The following SYNJ2BP variants were observed in gnomAD, a reference collection of about 807,000 sequenced individuals.
SYNJ2BP encodes synaptojanin-2-binding protein.
A neutral mutation model predicts 16.9 loss-of-function variants in SYNJ2BP; 10 were observed. The observed-to-expected ratio is 0.59, with a 90% CI of 0.36 to 1.00. The LOEUF is 1.00. Among genes scored for constraint, SYNJ2BP ranks in the 50% least tolerant of loss-of-function variants. The pLI is 0.01. For missense variants in SYNJ2BP, 162 were observed against 186.7 expected (o/e 0.87, Z 0.77); for synonymous variants, 54 against 68.4 (o/e 0.79, Z 1.04).
chr14:70,389,252 G>T (rs1322679644), intron 1 of SYNJ2BP, among the ~76,000 whole-genome samples: 1 of 152,092 alleles, frequency 6.6e-6, no homozygotes, highest in Non-Finnish European at 1.5e-5. Context: ...ATTATCAAAT[G>T]AACTGTTCCT....
chr14:70,370,908 C>T lies in SYNJ2BP; in HGVS notation c.*2083G>A, dbSNP rs1221789167. ...CATGACCCCTACTTACACTGTCCTA[C>T]CTATGTGGCCAATAAGAGTGTTGTC... is the stretch of plus-strand genomic sequence containing the variant. On this transcript the variant is annotated 3_prime_UTR_variant, in exon 4 of 4. Coordinates refer to ENST00000256366, the MANE Select transcript of SYNJ2BP (RefSeq NM_018373.3). 2 of 152,162 alleles carry T rather than the reference C, an allele frequency of 1.3e-5. No individual in the cohort carries two copies. The highest frequency in any genetic ancestry group is 6.5e-5 in the Admixed American group (1 of 15,284). 9.4% of individuals were successfully genotyped at this position (152,162 alleles called of 1,614,324 possible). A position where few individuals can be genotyped will look rare whatever the true frequency, so the allele number is the denominator to read the frequency against.
At chr14:70,405,602 G>A (rs1329941549) in intron 1 of SYNJ2BP, among the ~76,000 whole-genome samples, 3 of 152,102 alleles carry the variant, frequency 2.0e-5, no homozygotes, top group Non-Finnish European at 2.9e-5. Flanking sequence ...AAAATAATGG[G>A]TTTTGGGGGC....
At chr14:70,414,035 T>A (rs137940852) in intron 1 of SYNJ2BP, among the ~76,000 whole-genome samples, 2 of 152,196 alleles carry the variant, frequency 1.3e-5, no homozygotes, top group African/African-American at 4.8e-5. Context: ...AAGTTTCTAG[T>A]GGTGATTAGT....
intron 2 of SYNJ2BP, among the ~76,000 whole-genome samples, chr14:70,376,961 C>A (rs1224400382): frequency 6.6e-6 from 1 of 152,152 alleles, no homozygotes; most frequent in Non-Finnish European, 1.5e-5. Context: ...TCTCTCTTGC[C>A]AATACAGTTG....
chr14:70,398,759 T>G (rs1463207552), intron 1 of SYNJ2BP, among the ~76,000 whole-genome samples: 1 of 152,148 alleles, frequency 6.6e-6, no homozygotes, highest in African/African-American at 2.4e-5. Context: ...CAGCCAGCAC[T>G]AGCTGTGCCT....
At chr14:70,383,827 T>C (rs1271803385) in intron 2 of SYNJ2BP, among the ~76,000 whole-genome samples, 1 of 152,238 alleles carries the variant, frequency 6.6e-6, no homozygotes, top group Non-Finnish European at 1.5e-5. Flanking sequence ...TTTTATTTCA[T>C]GGTTGTCAGA....
At chr14:70,405,024 G>A (rs548347201) in intron 1 of SYNJ2BP, among the ~76,000 whole-genome samples, 1 of 152,188 alleles carries the variant, frequency 6.6e-6, no homozygotes, top group Non-Finnish European at 1.5e-5. Flanking sequence ...CTATTCAGGA[G>A]GCTAAAGTGA....
At chr14:70,393,359 G>A (rs560770282) in intron 1 of SYNJ2BP, among the ~76,000 whole-genome samples, 1 of 152,304 alleles carries the variant, frequency 6.6e-6, no homozygotes, top group Non-Finnish European at 1.5e-5. Flanking sequence ...TGGTGGGAGT[G>A]TAAATTAGTT....
intron 1 of SYNJ2BP, among the ~76,000 whole-genome samples, chr14:70,394,932 G>T (rs953162675): frequency 1.2e-4 from 19 of 152,166 alleles, no homozygotes; most frequent in African/African-American, 4.6e-4. Flanking sequence ...GCAAAGCCAA[G>T]ACTTAAGTCA....
At chr14:70,403,273 T>C (rs1420787859) in intron 1 of SYNJ2BP, among the ~76,000 whole-genome samples, 3 of 152,250 alleles carry the variant, frequency 2.0e-5, no homozygotes, top group Non-Finnish European at 4.4e-5. Flanking sequence ...TGTATGTCTC[T>C]ATGTTTATGT....
intron 2 of SYNJ2BP, among the ~76,000 whole-genome samples, chr14:70,377,405 T>A (rs990584658): frequency 5.3e-5 from 8 of 152,214 alleles, no homozygotes. Flanking sequence ...ACTAGCTGAC[T>A]CCAGCTCATC....
chr14:70,378,889 T>C (rs115034397), intron 2 of SYNJ2BP, among the ~76,000 whole-genome samples: 1 of 152,218 alleles, frequency 6.6e-6, no homozygotes, highest in African/African-American at 2.4e-5. Context: ...AATTACTCTA[T>C]GTTCACCTTA....
rs1327913821 is a variant in SYNJ2BP, at chr14:70,372,492, T to A, written c.*499A>T. ...TTGCATACGTATGTGTATATATGTA[T>A]TTGCTTTTTTAAAAAAGTAAAAATG... On this transcript the variant is annotated 3_prime_UTR_variant, in exon 4 of 4. Coordinates refer to ENST00000256366, the MANE Select transcript of SYNJ2BP (RefSeq NM_018373.3). The A allele has an allele frequency of 6.3e-6, 1 of 158,016 alleles. No homozygotes were observed. The highest frequency in any genetic ancestry group is 2.4e-5 in the African/African-American group (1 of 41,492). The allele number at this position is 158,016 out of a possible 1,614,324, so 9.8% of individuals were successfully genotyped here.
Position 70,388,549 on chromosome 14 carries a change from C to A in SYNJ2BP, c.122G>T (p.Gly41Val). 1 of 1,600,562 alleles carries A rather than the reference C, an allele frequency of 6.2e-7. No homozygotes were observed. The highest frequency in any genetic ancestry group is 8.5e-7 in the Non-Finnish European group (1 of 1,173,830). Residue 41 changes from glycine to valine, a missense_variant, in exon 2 of 4, where the codon GGC (glycine) becomes GTC (valine). Transcript: ENST00000256366. The stretch of plus-strand genomic sequence containing the variant: ...TTCTTTGATGCGGCTGACGTAGATG[C>A]CACTGTCGTTGGAGACATACTGCTG... ...TDQQYVSNDS[G>V]IYVSRIKENG... is the part of the protein sequence containing the mutation.
chr14:70,393,773 G>C (rs1186610452), intron 1 of SYNJ2BP, among the ~76,000 whole-genome samples: 1 of 151,530 alleles, frequency 6.6e-6, no homozygotes, highest in South Asian at 2.1e-4. Context: ...TGGACACAGG[G>C]AGGGGAACAT....
At chr14:70,409,414 A>G (rs555444472) in intron 1 of SYNJ2BP, among the ~76,000 whole-genome samples, 6 of 152,344 alleles carry the variant, frequency 3.9e-5, no homozygotes, top group African/African-American at 1.4e-4. Context: ...CTCAATAAAT[A>G]ATTGTGTACT....
intron 1 of SYNJ2BP, among the ~76,000 whole-genome samples, chr14:70,400,420 T>A (rs911737324): frequency 3.3e-5 from 5 of 152,230 alleles, no homozygotes; most frequent in African/African-American, 1.2e-4. Context: ...GACTAAACCC[T>A]ATCTTTATCT....
intron 1 of SYNJ2BP, among the ~76,000 whole-genome samples, chr14:70,392,514 C>T (rs903624340): frequency 1.3e-5 from 2 of 152,098 alleles, no homozygotes; most frequent in Non-Finnish European, 2.9e-5. Flanking sequence ...TCTTCATAAA[C>T]TACATAGTAG....
chr14:70,398,917 T>C (rs894442297), intron 1 of SYNJ2BP, among the ~76,000 whole-genome samples: 10 of 152,112 alleles, frequency 6.6e-5, no homozygotes, highest in African/African-American at 2.4e-4. Flanking sequence ...CAGCCCTGCC[T>C]ATAGGGGGCC....
Sources: gnomAD v4.1 joint callset for allele counts (sites outside exome capture counted in the v4.1 genomes callset) on GRCh38, gnomAD v4.1.1 for gene constraint, MANE v1.5 for transcripts, NCBI Gene and HGNC (gene_info 2026-07-23, HGNC 2026-07-21) for gene names.